BTBD7: variants seen among roughly 807,000 people sequenced by gnomAD.
The protein encoded by BTBD7 is BTB domain containing 7, also known as BTB/POZ domain-containing protein 7.
Under a neutral mutation model 99.9 loss-of-function variants are expected in BTBD7, and 38 were observed. That is an observed-to-expected ratio of 0.38 (90% CI 0.29 to 0.50). The LOEUF (loss-of-function observed/expected upper bound fraction) is 0.50, where lower values mean the gene tolerates loss of function less well. Ranked by LOEUF, BTBD7 falls within the 20% of genes least tolerant of loss-of-function variation. The probability of loss-of-function intolerance (pLI) is 0.93; values close to 1 mark genes in which losing one functional copy is unlikely to be tolerated. For missense variants in BTBD7, 1,170 were observed against 1,394.6 expected, an observed-to-expected ratio of 0.84 and a Z score of 2.57; for synonymous variants, 520 against 511.4, an observed-to-expected ratio of 1.02 and a Z score of -0.23.
intron 5 of BTBD7, among the ~76,000 whole-genome samples, chr14:93,258,200 C>T (rs1051488301): frequency 4.8e-5 from 7 of 146,962 alleles, no homozygotes; most frequent in South Asian, 2.2e-4. Flanking sequence ...TTCCTTAAAT[C>T]GTGTGTGTGT....
chr14:93,259,698 C>T (rs1363641368), intron 5 of BTBD7, among the ~76,000 whole-genome samples: 1 of 152,162 alleles, frequency 6.6e-6, no homozygotes, highest in East Asian at 1.9e-4. Context: ...TCATAACTTG[C>T]TGGGCATGGT....
At chr14:93,329,551 T>C (rs1454826600) in intron 1 of BTBD7, among the ~76,000 whole-genome samples, 1 of 152,190 alleles carries the variant, frequency 6.6e-6, no homozygotes, top group Non-Finnish European at 1.5e-5. Context: ...GCAACTTAAG[T>C]GCCCATTGAG....
At chr14:93,300,697 A>AG in intron 1 of BTBD7, among the ~76,000 whole-genome samples, 1 of 135,116 alleles carries the variant, frequency 7.4e-6, no homozygotes, top group South Asian at 2.4e-4. Context: ...CATCATGCCC[A>AG]GCTAATTTGT....
At chr14:93,306,382 T>C (rs925694970) in intron 1 of BTBD7, among the ~76,000 whole-genome samples, 2 of 150,976 alleles carry the variant, frequency 1.3e-5, no homozygotes, top group African/African-American at 4.9e-5. Context: ...CTAAGGAGGA[T>C]TGCTTGAGGC....
intron 3 of BTBD7, among the ~76,000 whole-genome samples, chr14:93,292,626 G>A (rs1202503682): frequency 6.6e-6 from 1 of 152,122 alleles, no homozygotes; most frequent in Non-Finnish European, 1.5e-5. Flanking sequence ...CTTCTTCTGT[G>A]TAAGTTCCCA....
chr14:93,292,117 G>A (rs1429329538), intron 3 of BTBD7, among the ~76,000 whole-genome samples: 1 of 152,142 alleles, frequency 6.6e-6, no homozygotes. Context: ...AATCCAGGAG[G>A]CGGAGGTTGC....
chr14:93,280,622 G>A (rs780776788), intron 3 of BTBD7, among the ~76,000 whole-genome samples: 1 of 152,078 alleles, frequency 6.6e-6, no homozygotes, highest in African/African-American at 2.4e-5. Flanking sequence ...GCAAAGAATC[G>A]TAACAGAGCT....
chr14:93,275,637 C>T (rs562024291), intron 3 of BTBD7, among the ~76,000 whole-genome samples: 1 of 152,262 alleles, frequency 6.6e-6, no homozygotes, highest in Admixed American at 6.5e-5. Context: ...TGGTTTAAGG[C>T]CTATTACACA....
chr14:93,245,153 C>T (rs1450575664), intron 10 of BTBD7, among the ~76,000 whole-genome samples: 1 of 111,752 alleles, frequency 8.9e-6, no homozygotes. Context: ...TGAGTCATGG[C>T]ACCTGGCCAA....
intron 1 of BTBD7, among the ~76,000 whole-genome samples, chr14:93,304,476 C>T (rs1288682181): frequency 6.6e-6 from 1 of 152,130 alleles, no homozygotes; most frequent in Non-Finnish European, 1.5e-5. Flanking sequence ...CTCAGCCTCC[C>T]GAGTAGCTGG....
intron 1 of BTBD7, among the ~76,000 whole-genome samples, chr14:93,326,323 C>T (rs1052714525): frequency 6.6e-6 from 1 of 152,066 alleles, no homozygotes; most frequent in Non-Finnish European, 1.5e-5. Flanking sequence ...AAAAGTTAGC[C>T]AGGCATAGTG....
chr14:93,264,619 C>G (rs1227207774), intron 3 of BTBD7, among the ~76,000 whole-genome samples: 1 of 152,168 alleles, frequency 6.6e-6, no homozygotes, highest in African/African-American at 2.4e-5. Context: ...CCTAAGGAGA[C>G]TCAACTCTCC....
At chr14:93,313,986 C>A (rs2053170730) in intron 1 of BTBD7, among the ~76,000 whole-genome samples, 1 of 151,908 alleles carries the variant, frequency 6.6e-6, no homozygotes, top group Non-Finnish European at 1.5e-5. Flanking sequence ...CCTCAAGTGA[C>A]CTTCCTGCCT....
intron 1 of BTBD7, among the ~76,000 whole-genome samples, chr14:93,320,087 A>G (rs567497376): frequency 6.1e-4 from 93 of 152,370 alleles, no homozygotes; most frequent in Non-Finnish European, 1.0e-3. Flanking sequence ...ATGTTTTACA[A>G]TTCTTTTTTA....
chr14:93,286,460 C>T (rs2052778913), intron 3 of BTBD7, among the ~76,000 whole-genome samples: 1 of 152,222 alleles, frequency 6.6e-6, no homozygotes, highest in South Asian at 2.1e-4. Context: ...AACCTCCTAG[C>T]TGAGCCCACA....
chr14:93,302,510 A>G (rs2053016926), intron 1 of BTBD7, among the ~76,000 whole-genome samples: 1 of 152,200 alleles, frequency 6.6e-6, no homozygotes, highest in Non-Finnish European at 1.5e-5. Flanking sequence ...CTCTAGCTAA[A>G]TCTCACATTT....
intron 1 of BTBD7, among the ~76,000 whole-genome samples, chr14:93,300,296 C>T (rs1472001116): frequency 3.6e-5 from 5 of 139,010 alleles, no homozygotes; most frequent in East Asian, 2.2e-4. Context: ...CTCGCTCTGT[C>T]GCCCAGCCTG....
chr14:93,237,777 T>C lies in BTBD7; in HGVS notation c.*4496A>G, dbSNP rs894898737. ...TTTCTTTAAAAATCACTATGTACAA[T>C]TGAAGCGTAAACAAGTTTTACAAAG... On this transcript the variant is annotated 3_prime_UTR_variant, in exon 11 of 11. Transcript: ENST00000334746. 7.9e-5 allele frequency: 12 copies of C among 152,638 alleles called. No homozygotes were observed. Among genetic ancestry groups the C allele is most frequent in the Middle Eastern group, 3.2e-3 (1 of 316 alleles). 9.5% of individuals were successfully genotyped at this position (152,638 alleles called of 1,614,324 possible). A position where few individuals can be genotyped will look rare whatever the true frequency, so the allele number is the denominator to read the frequency against.
chr14:93,304,186 G>A (rs1018953117), intron 1 of BTBD7, among the ~76,000 whole-genome samples: 1 of 152,130 alleles, frequency 6.6e-6, no homozygotes, highest in Non-Finnish European at 1.5e-5. Flanking sequence ...TTTACGATAT[G>A]GAAAACTAGC....
Sources: gnomAD v4.1 joint callset for allele counts (sites outside exome capture counted in the v4.1 genomes callset) on GRCh38, gnomAD v4.1.1 for gene constraint, MANE v1.5 for transcripts, NCBI Gene and HGNC (gene_info 2026-07-23, HGNC 2026-07-21) for gene names.